COL25A1: variants seen among roughly 807,000 people sequenced by gnomAD.
COL25A1 encodes the protein collagen type XXV alpha 1 chain.
In COL25A1, 103 loss-of-function variants were observed where a neutral mutation model predicts 128.4. The observed-to-expected ratio is 0.80, with a 90% CI of 0.68 to 0.94. The LOEUF (loss-of-function observed/expected upper bound fraction) is 0.94. COL25A1 is among the 40% of genes least tolerant of loss of function. COL25A1 has a pLI of 0.00. For missense variants in COL25A1, 745 were observed against 840.0 expected (o/e 0.89, Z 1.40); for synonymous variants, 279 against 277.2 (o/e 1.01, Z -0.06).
chr4:108,974,343 C>A (rs1200209300), intron 8 of COL25A1, 24 bp downstream of exon 8: 1 of 1,613,048 alleles, frequency 6.2e-7, no homozygotes, highest in Non-Finnish European at 8.5e-7. Context: ...ATTTTCCGCC[C>A]AAGATAGGTA....
intron 19 of COL25A1, among the ~76,000 whole-genome samples, chr4:108,875,256 C>T (rs1262545835): frequency 6.6e-6 from 1 of 152,152 alleles, no homozygotes; most frequent in Non-Finnish European, 1.5e-5. Context: ...AAAGAAACTA[C>T]CACCAGAGTG....
Position 108,812,268 on chromosome 4 carries a change from AGG to A in COL25A1, c.*1657_*1658del, listed in dbSNP as rs1730854330. 6.6e-6 allele frequency: 1 copy of A among 152,222 alleles called. No homozygotes were observed. Among genetic ancestry groups the A allele is most frequent in the Non-Finnish European group, 1.5e-5 (1 of 68,030 alleles). 9.4% of individuals were successfully genotyped at this position (152,222 alleles called of 1,614,324 possible). On this transcript the variant is annotated 3_prime_UTR_variant, in exon 38 of 38. Coordinates refer to ENST00000399132, the MANE Select transcript of COL25A1 (RefSeq NM_198721.4). The stretch of plus-strand genomic sequence containing the variant: ...ATCTTAGATTTGGTCTGTGGATATG[AGG>A]ATGAGACAAACATTTAGAAATGTTA...
intron 3 of COL25A1, among the ~76,000 whole-genome samples, chr4:109,288,062 G>A (rs771200576): frequency 1.3e-5 from 2 of 152,126 alleles, no homozygotes; most frequent in Non-Finnish European, 2.9e-5. Context: ...AAAGCCAGGA[G>A]GGCCAAAATA....
chr4:109,113,364 A>ATAACACAAGAGAATTTT (rs1767207630), intron 3 of COL25A1, among the ~76,000 whole-genome samples: 1 of 152,096 alleles, frequency 6.6e-6, no homozygotes, highest in Admixed American at 6.6e-5. Context: ...TGATCCTCTA[A>ATAACACAAGAGAATTTT]TAACACAAGA....
chr4:108,814,411 C>G (rs973893560), intron 37 of COL25A1, among the ~76,000 whole-genome samples: 17 of 152,190 alleles, frequency 1.1e-4, no homozygotes, highest in African/African-American at 3.9e-4. Flanking sequence ...ATCTTCAGTT[C>G]TTGGCTCCTC....
chr4:109,210,254 C>T (rs1463320348), intron 3 of COL25A1, among the ~76,000 whole-genome samples: 1 of 151,996 alleles, frequency 6.6e-6, no homozygotes, highest in African/African-American at 2.4e-5. Context: ...CAAAAAACTC[C>T]ATTTTATATT....
intron 5 of COL25A1, among the ~76,000 whole-genome samples, chr4:109,011,122 T>C (rs750176245): frequency 6.6e-6 from 1 of 152,254 alleles, no homozygotes; most frequent in African/African-American, 2.4e-5. Context: ...AATAAAAGTA[T>C]GGATTTCATA....
chr4:109,298,818 T>C (rs1162152784), intron 3 of COL25A1, among the ~76,000 whole-genome samples: 1 of 152,150 alleles, frequency 6.6e-6, no homozygotes, highest in Non-Finnish European at 1.5e-5. Context: ...TAAAAACTGA[T>C]GTAATGTGGA....
At chr4:109,217,617 T>C (rs1052633524) in intron 3 of COL25A1, among the ~76,000 whole-genome samples, 1 of 152,146 alleles carries the variant, frequency 6.6e-6, no homozygotes, top group Non-Finnish European at 1.5e-5. Context: ...CTAGTTAAAA[T>C]CATTTCTCAG....
chr4:108,915,525 T>C (rs147966807), intron 13 of COL25A1, among the ~76,000 whole-genome samples: 20 of 152,284 alleles, frequency 1.3e-4, no homozygotes, highest in Non-Finnish European at 2.9e-4. Flanking sequence ...ATAGTATACT[T>C]TTCTTTCTTT....
At chr4:108,993,785 G>A (rs962884320) in intron 6 of COL25A1, among the ~76,000 whole-genome samples, 3 of 151,178 alleles carry the variant, frequency 2.0e-5, no homozygotes, top group African/African-American at 7.3e-5. Flanking sequence ...GCTTGAACCC[G>A]GGAGGCAGAG....
At chr4:109,086,627 G>C (rs549724734) in intron 3 of COL25A1, among the ~76,000 whole-genome samples, 14 of 152,202 alleles carry the variant, frequency 9.2e-5, no homozygotes, top group Non-Finnish European at 1.6e-4. Flanking sequence ...AAGTAAGTAG[G>C]ACTCTTAATG....
chr4:109,078,184 A>G (rs1049033881), intron 3 of COL25A1, among the ~76,000 whole-genome samples: 1 of 152,200 alleles, frequency 6.6e-6, no homozygotes, highest in African/African-American at 2.4e-5. Flanking sequence ...CAACACTGGA[A>G]TAACATCACC....
At chr4:109,203,620 A>C (rs1776746548) in intron 3 of COL25A1, among the ~76,000 whole-genome samples, 1 of 152,154 alleles carries the variant, frequency 6.6e-6, no homozygotes, top group Admixed American at 6.6e-5. Context: ...AAACAAAAAG[A>C]ATCCTACAGG....
intron 5 of COL25A1, among the ~76,000 whole-genome samples, chr4:109,011,700 A>G (rs1266776632): frequency 6.6e-6 from 1 of 152,248 alleles, no homozygotes; most frequent in East Asian, 1.9e-4. Context: ...ATCTGATTTT[A>G]AGGTTTATGC....
intron 36 of COL25A1, 78 bp from the exon 37 acceptor site, chr4:108,817,513 T>G: frequency 7.2e-7 from 1 of 1,380,882 alleles, no homozygotes; most frequent in Non-Finnish European, 1.0e-6. Flanking sequence ...GCTCAGAGGC[T>G]TAAAAATAAA....
rs1161695883 is a variant in COL25A1, at chr4:108,827,116, C to T, written c.1764+19G>A. On this transcript the variant is annotated intron_variant, in intron 33 of 37. Coordinates refer to ENST00000399132, the MANE Select transcript of COL25A1 (RefSeq NM_198721.4). ...TATGCATGCGGAAGGTGGGGAGGTG[C>T]ATGTGACCAGGAACTCACAGGCAGC... is the stretch of plus-strand genomic sequence containing the variant. 6.2e-7 allele frequency: 1 copy of T among 1,611,542 alleles called. No individual in the cohort carries two copies. The highest frequency in any genetic ancestry group is 2.2e-5 in the East Asian group (1 of 44,848).
chr4:108,845,172 A>G lies in COL25A1; in HGVS notation c.1578+17T>C, dbSNP rs745702361. The G allele has an allele frequency of 6.8e-6, 11 of 1,609,204 alleles. No individual in the cohort carries two copies. In the South Asian group the frequency reaches 7.7e-5, roughly 11 times the overall value. ...GGAGGTTCAGGAACAATGGAAGTTC[A>G]GCCACCATGGACTTACAGAAGGACC... is the stretch of plus-strand genomic sequence containing the variant. On this transcript the variant is annotated intron_variant, in intron 29 of 37. Transcript: ENST00000399132.
chr4:109,001,430 T>TGTCAGGA (rs1755412667), intron 6 of COL25A1, among the ~76,000 whole-genome samples: 1 of 9,600 alleles, frequency 1.0e-4, no homozygotes. Context: ...GGCAGTGAGC[T>TGTCAGGA]AGAGGGTTTT....
Sources: allele counts gnomAD v4.1 joint callset (sites outside exome capture counted in the v4.1 genomes callset), GRCh38; gene constraint gnomAD v4.1.1; transcripts MANE v1.5; gene names NCBI Gene and HGNC (gene_info 2026-07-23, HGNC 2026-07-21).